Variants in SNTA1 observed in about 807,000 individuals in gnomAD.
SNTA1 encodes the protein syntrophin alpha 1, also known as alpha-1-syntrophin.
Under a neutral mutation model 47.1 loss-of-function variants are expected in SNTA1, and 31 were observed. The observed-to-expected ratio is 0.66, with a 90% CI of 0.49 to 0.89. SNTA1 has a LOEUF of 0.89. Among genes scored for constraint, SNTA1 ranks in the 40% least tolerant of loss-of-function variants. The probability of loss-of-function intolerance (pLI) is 0.00; values close to 1 mark genes in which losing one functional copy is unlikely to be tolerated. For synonymous variants in SNTA1, 300 were observed against 313.6 expected, an observed-to-expected ratio of 0.96 and a Z score of 0.46; for missense variants, 575 against 693.0, an observed-to-expected ratio of 0.83 and a Z score of 1.91.
intron 3 of SNTA1, among the ~76,000 whole-genome samples, chr20:33,414,995 T>C (rs1778023303): frequency 6.6e-6 from 1 of 152,212 alleles, no homozygotes; most frequent in South Asian, 2.1e-4. Context: ...GTTTTCATTA[T>C]ATTTTGGTTG....
chr20:33,428,577 A>G (rs1285843480), intron 2 of SNTA1, among the ~76,000 whole-genome samples: 1 of 151,026 alleles, frequency 6.6e-6, no homozygotes, highest in Non-Finnish European at 1.5e-5. Flanking sequence ...TCTCGTTGGT[A>G]ATTTTTTTTT....
intron 2 of SNTA1, among the ~76,000 whole-genome samples, chr20:33,420,622 C>T (rs538785755): frequency 6.6e-6 from 1 of 152,160 alleles, no homozygotes; most frequent in Non-Finnish European, 1.5e-5. Context: ...TAATCTCACC[C>T]TCTGGTCCAA....
At chr20:33,431,361 A>G (rs1211459856) in intron 2 of SNTA1, among the ~76,000 whole-genome samples, 3 of 152,180 alleles carry the variant, frequency 2.0e-5, no homozygotes, top group African/African-American at 7.2e-5. Flanking sequence ...GACCTTGGGC[A>G]AGTAATGTCA....
At chr20:33,419,910 C>G (rs1034642005) in intron 2 of SNTA1, among the ~76,000 whole-genome samples, 1 of 151,914 alleles carries the variant, frequency 6.6e-6, no homozygotes, top group Admixed American at 6.6e-5. Context: ...CCTAGTGCAA[C>G]GACAGCCACT....
At chr20:33,418,567 C>G (rs1182073693) in intron 2 of SNTA1, among the ~76,000 whole-genome samples, 1 of 139,596 alleles carries the variant, frequency 7.2e-6, no homozygotes, top group Non-Finnish European at 1.6e-5. Context: ...CCAAGGCGGG[C>G]AGATCATTTG....
intron 5 of SNTA1, among the ~76,000 whole-genome samples, chr20:33,411,377 C>T (rs900136103): frequency 3.9e-5 from 6 of 152,060 alleles, no homozygotes; most frequent in Admixed American, 2.0e-4. Context: ...CTGTTCATTC[C>T]GGACCCCTCC....
In SNTA1 at chr20:33,408,411, C is replaced by T; in HGVS notation, c.*96G>A. On this transcript the variant is annotated 3_prime_UTR_variant, in exon 8 of 8. Coordinates refer to ENST00000217381, the MANE Select transcript of SNTA1 (RefSeq NM_003098.3). ...GGAGGCCCTTGTTCCTCTCCTCTCC[C>T]TTCCCTCAGCCCAGGGGTGAGCAGG... 1.1e-6 allele frequency: 1 copy of T among 898,292 alleles called. No individual in the cohort carries two copies. The highest frequency in any genetic ancestry group is 1.8e-6 in the Non-Finnish European group (1 of 543,936). 55.6% of individuals were successfully genotyped at this position (898,292 alleles called of 1,614,324 possible). A position where few individuals can be genotyped will look rare whatever the true frequency, so the allele number is the denominator to read the frequency against.
chr20:33,417,931 G>A lies in SNTA1; in HGVS notation c.497-8C>T, dbSNP rs773025157. Reference sequence around the variant, plus strand: ...CGTCCTTCATATACTTGACTGATTGGGAGAGACATCAGCAGTCACCACTGT... The same window carrying A: ...CGTCCTTCATATACTTGACTGATTGAGAGAGACATCAGCAGTCACCACTGT... On this transcript the variant is annotated splice_region_variant and splice_polypyrimidine_tract_variant and intron_variant, in intron 2 of 7. Coordinates refer to ENST00000217381, the MANE Select transcript of SNTA1 (RefSeq NM_003098.3). The A allele has an allele frequency of 6.3e-7, 1 of 1,598,922 alleles. No homozygotes were observed. The highest frequency in any genetic ancestry group is 8.6e-7 in the Non-Finnish European group (1 of 1,166,358).
intron 1 of SNTA1, among the ~76,000 whole-genome samples, chr20:33,439,616 C>T (rs1990531029): frequency 6.6e-6 from 1 of 152,234 alleles, no homozygotes; most frequent in Non-Finnish European, 1.5e-5. Flanking sequence ...GTGCTTCAAT[C>T]ACTTTTTCTT....
chr20:33,410,051 A>G, intron 6 of SNTA1, 84 bp downstream of exon 6: 1 of 1,413,742 alleles, frequency 7.1e-7, no homozygotes, highest in Non-Finnish European at 1.0e-6. Context: ...CCCCTCCTGA[A>G]GTGCCCTAAA....
At chr20:33,438,447 C>T (rs368904587) in intron 2 of SNTA1, among the ~76,000 whole-genome samples, 3 of 152,280 alleles carry the variant, frequency 2.0e-5, no homozygotes, top group South Asian at 4.1e-4. Context: ...TTCCCCAGTC[C>T]GCACCCCTCT....
chr20:33,418,792 C>CA (rs760390793), intron 2 of SNTA1, among the ~76,000 whole-genome samples: 1,364 of 57,400 alleles, frequency 0.024, 125 homozygotes, highest in African/African-American at 0.063. Context: ...GACTCTGTCT[C>CA]AAAAAAAAAA....
chr20:33,409,352 T>C (rs1218230880), intron 6 of SNTA1, among the ~76,000 whole-genome samples: 1 of 152,128 alleles, frequency 6.6e-6, no homozygotes, highest in Non-Finnish European at 1.5e-5. Context: ...AAGTGCCATC[T>C]CTCACATCCT....
chr20:33,414,245 CAAAA>C (rs56186098), intron 3 of SNTA1, among the ~76,000 whole-genome samples: 21 of 29,266 alleles, frequency 7.2e-4, no homozygotes, highest in South Asian at 3.4e-3. Context: ...TCTCAAAAAC[CAAAA>C]AAAAAAAAAA....
Position 33,410,273 on chromosome 20 carries a change from C to G in SNTA1, c.1099G>C (p.Ala367Pro), listed in dbSNP as rs1989708266. The stretch of plus-strand genomic sequence containing the variant: ...CCGTGACGCGTGCCCGTGCGCAGGG[C>G]AAAAGAGAGCTCTGCATCGTAGGGC... ...SVPYDAELSF[A>P]LRTGTRHGVD... Residue 367 changes from alanine (A) to proline (P), a missense_variant, in exon 6 of 8, where the codon GCC (alanine) becomes CCC (proline). Physicochemically the swap from Ala to Pro is conservative, Grantham distance 27 (BLOSUM62 -1). Coordinates refer to ENST00000217381, the MANE Select transcript of SNTA1 (RefSeq NM_003098.3). 4 of 1,612,338 alleles carry G rather than the reference C, an allele frequency of 2.5e-6. No homozygotes were observed. The highest frequency in any genetic ancestry group is 3.4e-6 in the Non-Finnish European group (4 of 1,179,698).
In SNTA1 at chr20:33,417,858, C is replaced by A. The variant is rs750125166; in HGVS notation, c.562G>T (p.Asp188Tyr). The change falls in exon 3 of 8, where the codon GAC becomes TAC. Residue 188 changes from aspartate to tyrosine, a missense_variant. Asp to Tyr is a radical substitution (Grantham distance 160). Coordinates refer to ENST00000217381, the MANE Select transcript of SNTA1 (RefSeq NM_003098.3). The part of the protein sequence containing the change: ...NSTGGTSVGW[D>Y]SPPASPLQRQ... ...TGAAGGGGTGAGGCAGGAGGTGAGTCCCAGCCGACCGAGGTCCCACCAGTA... is the reference window on the plus strand; with the variant it reads ...TGAAGGGGTGAGGCAGGAGGTGAGTACCAGCCGACCGAGGTCCCACCAGTA... 1 of 1,614,060 alleles carries A rather than the reference C, an allele frequency of 6.2e-7. No homozygotes were observed. The highest frequency in any genetic ancestry group is 8.5e-7 in the Non-Finnish European group (1 of 1,179,990).
At chr20:33,423,888 C>T (rs1382857617) in intron 2 of SNTA1, among the ~76,000 whole-genome samples, 2 of 152,116 alleles carry the variant, frequency 1.3e-5, no homozygotes, top group African/African-American at 4.8e-5. Flanking sequence ...ATTTACTTAC[C>T]GCTGCTTGAA....
intron 2 of SNTA1, among the ~76,000 whole-genome samples, chr20:33,425,516 G>T (rs1318279485): frequency 6.6e-6 from 1 of 152,008 alleles, no homozygotes; most frequent in Non-Finnish European, 1.5e-5. Flanking sequence ...CAAAAAATTA[G>T]CCAGGTGTGG....
chr20:33,439,261 T>C (rs1175491017), intron 1 of SNTA1, among the ~76,000 whole-genome samples: 3 of 152,078 alleles, frequency 2.0e-5, no homozygotes, highest in Non-Finnish European at 4.4e-5. Flanking sequence ...CCCAGCACCT[T>C]AGAAGGCTGA....
Sources: allele counts gnomAD v4.1 joint callset (sites outside exome capture counted in the v4.1 genomes callset), GRCh38; gene constraint gnomAD v4.1.1; transcripts MANE v1.5; gene names NCBI Gene and HGNC (gene_info 2026-07-23, HGNC 2026-07-21).